PREX2: variants seen among roughly 807,000 people sequenced by gnomAD.
PREX2 encodes phosphatidylinositol 3,4,5-trisphosphate-dependent Rac exchanger 2 protein.
Under a neutral mutation model 203.2 loss-of-function variants are expected in PREX2, and 107 were observed. That is an observed-to-expected ratio of 0.53 (90% CI 0.45 to 0.62). The LOEUF is 0.62. Ranked by LOEUF, PREX2 falls within the 20% of genes least tolerant of loss-of-function variation. The pLI is 0.00. For missense variants in PREX2, 1,777 were observed against 1,955.9 expected, an observed-to-expected ratio of 0.91 and a Z score of 1.72; for synonymous variants, 672 against 663.6, an observed-to-expected ratio of 1.01 and a Z score of -0.19.
chr8:68,086,438 T>C (rs1379843786), intron 18 of PREX2, among the ~76,000 whole-genome samples: 1 of 152,210 alleles, frequency 6.6e-6, no homozygotes, highest in Admixed American at 6.5e-5. Context: ...CTGTTTAATA[T>C]GCCCTTGAAG....
At position 68,044,579 on chromosome 8, in the gene PREX2, A is replaced by G. The variant is rs1207413489; in HGVS notation, c.932A>G (p.Asp311Gly). 3 of 1,611,390 alleles carry G rather than the reference A, an allele frequency of 1.9e-6. No individual in the cohort carries two copies. Among genetic ancestry groups the G allele is most frequent in the Non-Finnish European group, 2.5e-6 (3 of 1,177,848 alleles). The part of the protein sequence containing the change: ...NTEVMEVENV[D>G]DGTADFHSSG... ...GAGGTGATGGAAGTGGAGAATGTGGATGATGGCACCGGTAAGTGATTTGTA... is the reference window on the plus strand; with the variant it reads ...GAGGTGATGGAAGTGGAGAATGTGGGTGATGGCACCGGTAAGTGATTTGTA... Residue 311 changes from aspartate to glycine, a missense_variant, in exon 8 of 40, where the codon GAT becomes GGT. Transcript: ENST00000288368.
intron 39 of PREX2, among the ~76,000 whole-genome samples, chr8:68,226,807 T>G (rs767221710): frequency 1.3e-5 from 2 of 152,128 alleles, no homozygotes; most frequent in Non-Finnish European, 2.9e-5. Flanking sequence ...TAGATTGTCA[T>G]GAGAACACAG....
At chr8:67,965,527 A>G (rs918588157) in intron 1 of PREX2, among the ~76,000 whole-genome samples, 3 of 151,874 alleles carry the variant, frequency 2.0e-5, no homozygotes, top group East Asian at 3.9e-4. Flanking sequence ...ATATATATAT[A>G]TGTGTATATG....
At chr8:68,151,848 T>C (rs1460764636) in intron 34 of PREX2, among the ~76,000 whole-genome samples, 1 of 151,888 alleles carries the variant, frequency 6.6e-6, no homozygotes, top group Non-Finnish European at 1.5e-5. Flanking sequence ...AAGGTATCTT[T>C]CTTTGCTCTG....
chr8:68,165,461 G>A lies in PREX2; in HGVS notation c.4346+8025G>A, dbSNP rs1016493908. On this transcript the variant is annotated intron_variant, in intron 35 of 39. Transcript: ENST00000288368. ...TCCCCCATCCCCTCGGTGTTTTCAC[G>A]GACGGGTTTTTTAGTTGAGCAAAGA... Among the ~76,000 whole-genome samples the A allele has an allele frequency of 4.6e-5, 7 of 151,956 alleles. No homozygotes were observed. The East Asian group carries it at 1.4e-3, about 29-fold the overall frequency.
intron 1 of PREX2, among the ~76,000 whole-genome samples, chr8:67,986,942 G>T (rs1374406957): frequency 1.3e-5 from 2 of 152,006 alleles, no homozygotes; most frequent in African/African-American, 4.8e-5. Flanking sequence ...GAGGTGGGTG[G>T]ATCATGAGGT....
chr8:67,958,128 T>G (rs1160534201), intron 1 of PREX2, among the ~76,000 whole-genome samples: 1 of 152,206 alleles, frequency 6.6e-6, no homozygotes, highest in Non-Finnish European at 1.5e-5. Context: ...CAATTTCTGC[T>G]TAAGCCATCA....
At chr8:68,134,389 G>A (rs1585819238) in intron 32 of PREX2, 113 bp downstream of exon 32, 19 of 773,192 alleles carry the variant, frequency 2.5e-5, no homozygotes, top group Middle Eastern at 3.9e-4. Context: ...ATGAATGTGC[G>A]TGCATTCAGC....
chr8:68,004,617 T>C (rs1807042085), intron 1 of PREX2, among the ~76,000 whole-genome samples: 2 of 152,348 alleles, frequency 1.3e-5, no homozygotes, highest in South Asian at 4.1e-4. Context: ...AAGCTTAGTA[T>C]TGATGCAAGT....
chr8:68,140,234 A>G (rs1371491178), intron 33 of PREX2, among the ~76,000 whole-genome samples: 2 of 152,252 alleles, frequency 1.3e-5, no homozygotes, highest in East Asian at 3.8e-4. Context: ...AGATGTCACT[A>G]TAACAGATAC....
At chr8:67,979,807 T>C (rs1338789794) in intron 1 of PREX2, among the ~76,000 whole-genome samples, 1 of 152,248 alleles carries the variant, frequency 6.6e-6, no homozygotes, top group Non-Finnish European at 1.5e-5. Context: ...CTTTTACATC[T>C]TCCCATTCAT....
At chr8:68,124,666 A>G (rs562213158) in intron 30 of PREX2, among the ~76,000 whole-genome samples, 3 of 152,286 alleles carry the variant, frequency 2.0e-5, no homozygotes, top group South Asian at 2.1e-4. Flanking sequence ...TTTCTAATGC[A>G]GGATAAAAAG....
chr8:68,204,678 C>CTTTTTTTTTTTTTTTTTT (rs1192583427), intron 37 of PREX2, among the ~76,000 whole-genome samples: 77 of 83,422 alleles, frequency 9.2e-4, no homozygotes, highest in Non-Finnish European at 1.2e-3. Flanking sequence ...TTTCTTCTTT[C>CTTTTTTTTTTTTTTTTTT]TTTTTTTTTT....
intron 11 of PREX2, among the ~76,000 whole-genome samples, chr8:68,065,706 G>C (rs1468505702): frequency 6.6e-6 from 1 of 152,072 alleles, no homozygotes; most frequent in East Asian, 1.9e-4. Flanking sequence ...TAAAAATATA[G>C]CTCTTTGCAG....
intron 1 of PREX2, among the ~76,000 whole-genome samples, chr8:68,015,634 G>A (rs939935476): frequency 3.3e-5 from 5 of 152,134 alleles, no homozygotes; most frequent in Admixed American, 1.3e-4. Context: ...GAGGTTACCT[G>A]TTTACTATGT....
intron 5 of PREX2, among the ~76,000 whole-genome samples, chr8:68,029,333 T>A (rs1399900263): frequency 6.6e-6 from 1 of 152,102 alleles, no homozygotes; most frequent in East Asian, 1.9e-4. Context: ...GCAGACTGAC[T>A]TGACCACTTG....
At chr8:67,966,596 C>G (rs1268434867) in intron 1 of PREX2, among the ~76,000 whole-genome samples, 1 of 151,814 alleles carries the variant, frequency 6.6e-6, no homozygotes, top group African/African-American at 2.4e-5. Context: ...ACCTCTGTCT[C>G]TAAAAAACAA....
Position 68,060,745 on chromosome 8 carries a change from A to G in PREX2, c.1305A>G (p.Gly435=), listed in dbSNP as rs1585748027. Reference sequence around the variant, plus strand: ...GGCCTGAGGAAGGCGTGCACTTGGGACAAGCATTATTAGAAAATGGAATCA... The same window carrying G: ...GGCCTGAGGAAGGCGTGCACTTGGGGCAAGCATTATTAGAAAATGGAATCA... ...IHRPEEGVHL[G]QALLENGIIH... is the part of the protein sequence containing the mutation. The change falls in exon 11 of 40, where the codon GGA becomes GGG. Residue 435 remains glycine (G), a synonymous_variant. Coordinates refer to ENST00000288368, the MANE Select transcript of PREX2 (RefSeq NM_024870.4). 7 of 1,611,996 alleles carry G rather than the reference A, an allele frequency of 4.3e-6. No homozygotes were observed. The highest frequency in any genetic ancestry group is 1.6e-4 in the Middle Eastern group (1 of 6,080).
chr8:68,227,570 G>A (rs971729437), intron 39 of PREX2, among the ~76,000 whole-genome samples: 1 of 152,160 alleles, frequency 6.6e-6, no homozygotes, highest in Admixed American at 6.5e-5. Context: ...TATTTAGGAG[G>A]TAGGTGAAGA....
Sources: gnomAD v4.1 joint callset for allele counts (sites outside exome capture counted in the v4.1 genomes callset) on GRCh38, gnomAD v4.1.1 for gene constraint, MANE v1.5 for transcripts, NCBI Gene and HGNC (gene_info 2026-07-23, HGNC 2026-07-21) for gene names.